Variants in TPRG1 observed in about 807,000 individuals in gnomAD.
TPRG1 encodes tumor protein p63 regulated 1, also known as tumor protein p63-regulated gene 1 protein.
A neutral mutation model predicts 29.3 loss-of-function variants in TPRG1; 29 were observed. The ratio of observed to expected loss-of-function variants is 0.99; its 90% confidence interval spans 0.74 to 1.35. The LOEUF is 1.35. TPRG1 is among the 40% of genes most tolerant of loss of function. TPRG1 has a pLI of 0.00. For synonymous variants in TPRG1, 130 were observed against 116.8 expected, an observed-to-expected ratio of 1.11 and a Z score of -0.73; for missense variants, 327 against 335.0, an observed-to-expected ratio of 0.98 and a Z score of 0.19.
chr3:189,233,166 A>ATGTGTGTG (rs59388844), intron 3 of TPRG1, among the ~76,000 whole-genome samples: 7 of 148,878 alleles, frequency 4.7e-5, no homozygotes, highest in Non-Finnish European at 6.0e-5. Context: ...CTGAGTGTGT[A>ATGTGTGTG]TGTGTGTGTG....
intron 1 of TPRG1, among the ~76,000 whole-genome samples, chr3:189,111,108 AC>A (rs1720460492): frequency 8.9e-6 from 1 of 112,404 alleles, no homozygotes; most frequent in African/African-American, 7.4e-5. Context: ...TTCTAAAAAA[AC>A]AAACAAACAA....
intron 1 of TPRG1, among the ~76,000 whole-genome samples, chr3:189,187,896 G>A (rs187850375): frequency 1.4e-4 from 22 of 152,256 alleles, no homozygotes; most frequent in African/African-American, 5.3e-4. Context: ...CGAAACATTT[G>A]TGTCTTTGAG....
At chr3:189,145,568 A>G (rs965822069) in intron 3 of TPRG1, among the ~76,000 whole-genome samples, 1 of 152,184 alleles carries the variant, frequency 6.6e-6, no homozygotes, top group Admixed American at 6.5e-5. Context: ...CCTATAAGGT[A>G]GCAATAGGGT....
intron 1 of TPRG1, among the ~76,000 whole-genome samples, chr3:189,176,560 T>C (rs542165418): frequency 1.1e-4 from 16 of 152,044 alleles, no homozygotes; most frequent in African/African-American, 3.1e-4. Context: ...TGGAGAACAA[T>C]AGAACAGAGA....
At chr3:189,081,127 T>C (rs184778230) in intron 4 of TPRG1, among the ~76,000 whole-genome samples, 1 of 152,276 alleles carries the variant, frequency 6.6e-6, no homozygotes, top group Non-Finnish European at 1.5e-5. Flanking sequence ...GGCTGGTGAC[T>C]GAAGATGATA....
chr3:189,008,176 G>C (rs1712405913), intron 3 of TPRG1, among the ~76,000 whole-genome samples: 1 of 152,062 alleles, frequency 6.6e-6, no homozygotes, highest in African/African-American at 2.4e-5. Context: ...ACATGTATCT[G>C]CATGTGTGTG....
At chr3:189,041,566 T>C (rs941770466) in intron 4 of TPRG1, among the ~76,000 whole-genome samples, 12 of 152,218 alleles carry the variant, frequency 7.9e-5, no homozygotes, top group Admixed American at 6.5e-4. Flanking sequence ...ACATGGGGCA[T>C]GGGCAAGGCA....
intron 3 of TPRG1, among the ~76,000 whole-genome samples, chr3:189,139,499 C>T (rs1355216969): frequency 6.6e-6 from 1 of 152,188 alleles, no homozygotes; most frequent in Admixed American, 6.5e-5. Context: ...TCTGACAACC[C>T]TAATATCACT....
intron 1 of TPRG1, among the ~76,000 whole-genome samples, chr3:189,119,416 C>T (rs1193865776): frequency 1.3e-5 from 2 of 152,136 alleles, no homozygotes; most frequent in African/African-American, 4.8e-5. Flanking sequence ...GCTGGAATGA[C>T]CTAAGACTTT....
chr3:189,295,439 T>G (rs1238000771), intron 4 of TPRG1, among the ~76,000 whole-genome samples: 2 of 150,704 alleles, frequency 1.3e-5, no homozygotes, highest in African/African-American at 2.4e-5. Flanking sequence ...TAAATTAGAT[T>G]CATTTTGTTT....
chr3:189,188,847 C>T (rs1731299472), intron 1 of TPRG1, among the ~76,000 whole-genome samples: 1 of 152,274 alleles, frequency 6.6e-6, no homozygotes, highest in African/African-American at 2.4e-5. Context: ...TATCAGTGGG[C>T]AGATAAAAGT....
intron 3 of TPRG1, among the ~76,000 whole-genome samples, chr3:189,229,977 C>T (rs115806541): frequency 0.012 from 1,825 of 152,294 alleles, 35 homozygotes; most frequent in African/African-American, 0.041. Context: ...TTCTTCCCTC[C>T]TTGCAGCCTC....
chr3:189,244,921 GCTCT>G (rs1320008294), intron 4 of TPRG1, among the ~76,000 whole-genome samples: 5 of 151,942 alleles, frequency 3.3e-5, no homozygotes, highest in Admixed American at 1.3e-4. Flanking sequence ...CTCTATCTCT[GCTCT>G]CTTTTTTTGT....
intron 1 of TPRG1, among the ~76,000 whole-genome samples, chr3:189,174,665 G>C (rs1435006833): frequency 6.6e-6 from 1 of 152,180 alleles, no homozygotes; most frequent in Non-Finnish European, 1.5e-5. Context: ...TAGGATATAT[G>C]ATGACTTCAG....
chr3:189,019,122 A>C (rs1713134123), intron 3 of TPRG1, among the ~76,000 whole-genome samples: 2 of 151,140 alleles, frequency 1.3e-5, no homozygotes, highest in Admixed American at 1.3e-4. Flanking sequence ...CAGCTTAAGG[A>C]GATTTTGGGC....
intron 1 of TPRG1, chr3:189,120,448 G>T (rs1412788015): frequency 2.0e-5 from 3 of 152,160 alleles, no homozygotes; most frequent in Admixed American, 6.5e-5. Context: ...TAAGTTCCAA[G>T]ATGTAGATTC....
At chr3:189,290,243 A>G (rs572733289) in intron 4 of TPRG1, among the ~76,000 whole-genome samples, 31 of 152,314 alleles carry the variant, frequency 2.0e-4, no homozygotes, top group African/African-American at 7.0e-4. Context: ...ACCTTGCCAA[A>G]TCAGACACGT....
intron 4 of TPRG1, among the ~76,000 whole-genome samples, chr3:189,065,495 G>T (rs1223198042): frequency 1.3e-5 from 2 of 151,724 alleles, no homozygotes; most frequent in East Asian, 1.9e-4. Flanking sequence ...TTTATTTCAG[G>T]TATAGAAAAG....
intron 2 of TPRG1, among the ~76,000 whole-genome samples, chr3:189,208,220 G>T (rs957333058): frequency 1.3e-5 from 2 of 152,164 alleles, no homozygotes; most frequent in Non-Finnish European, 2.9e-5. Context: ...GATTCAAGTG[G>T]AGAGTGCTTC....
Sources: gnomAD v4.1 joint callset for allele counts (sites outside exome capture counted in the v4.1 genomes callset) on GRCh38, gnomAD v4.1.1 for gene constraint, MANE v1.5 for transcripts, NCBI Gene and HGNC (gene_info 2026-07-23, HGNC 2026-07-21) for gene names.